Variants in MACROD2 observed in about 807,000 individuals in gnomAD.
MACROD2 encodes ADP-ribose glycohydrolase MACROD2.
Under a neutral mutation model 70.4 loss-of-function variants are expected in MACROD2, and 36 were observed. The observed-to-expected ratio is 0.51, with a 90% CI of 0.39 to 0.68. The LOEUF (loss-of-function observed/expected upper bound fraction) is 0.68, where lower values mean the gene tolerates loss of function less well. Ranked by LOEUF, MACROD2 falls within the 30% of genes least tolerant of loss-of-function variation. MACROD2 has a pLI of 0.00. For missense variants in MACROD2, 496 were observed against 538.4 expected, an observed-to-expected ratio of 0.92 and a Z score of 0.78; for synonymous variants, 172 against 178.8, an observed-to-expected ratio of 0.96 and a Z score of 0.30.
At chr20:14,885,606 G>A (rs1380765835) in intron 5 of MACROD2, among the ~76,000 whole-genome samples, 1 of 152,110 alleles carries the variant, frequency 6.6e-6, no homozygotes, top group Admixed American at 6.6e-5. Flanking sequence ...AAATTTGTTT[G>A]CCTGGCTTCC....
intron 3 of MACROD2, among the ~76,000 whole-genome samples, chr20:14,393,535 T>G (rs2083549795): frequency 6.6e-6 from 1 of 152,208 alleles, no homozygotes; most frequent in East Asian, 1.9e-4. Context: ...CCATGCGTAA[T>G]ATCTGCTCTT....
At chr20:14,730,148 C>A (rs1168988221) in intron 5 of MACROD2, among the ~76,000 whole-genome samples, 1 of 151,978 alleles carries the variant, frequency 6.6e-6, no homozygotes, top group African/African-American at 2.4e-5. Flanking sequence ...GTGTGGTGAG[C>A]AGACCTAGCA....
chr20:14,910,729 T>C (rs1177761152), intron 5 of MACROD2, among the ~76,000 whole-genome samples: 1 of 152,188 alleles, frequency 6.6e-6, no homozygotes. Context: ...CAGTTCTTTA[T>C]ACCAGTTGAT....
At chr20:15,388,069 C>A (rs1282548972) in intron 6 of MACROD2, among the ~76,000 whole-genome samples, 1 of 151,952 alleles carries the variant, frequency 6.6e-6, no homozygotes, top group Non-Finnish European at 1.5e-5. Context: ...ACTCCCCCAA[C>A]CTAGGGTGAT....
chr20:14,108,411 A>G (rs1045587583), intron 3 of MACROD2, among the ~76,000 whole-genome samples: 2 of 151,976 alleles, frequency 1.3e-5, no homozygotes, highest in Non-Finnish European at 2.9e-5. Context: ...TTACCTATCA[A>G]TAATAACATT....
At chr20:15,700,147 G>T (rs1010750151) in intron 8 of MACROD2, among the ~76,000 whole-genome samples, 18 of 152,148 alleles carry the variant, frequency 1.2e-4, no homozygotes, top group African/African-American at 4.3e-4. Context: ...CCTACAGAGG[G>T]TCTGTGAGTC....
chr20:15,002,265 C>T lies in MACROD2; in HGVS notation c.419-227675C>T, dbSNP rs577582561. Among the ~76,000 whole-genome samples, 463 of 152,234 alleles carry T rather than the reference C, an allele frequency of 3.0e-3. 3 individuals carry two copies. Among genetic ancestry groups the T allele is most frequent in the Non-Finnish European group, 3.3e-3 (226 of 68,006 alleles). On this transcript the variant is annotated intron_variant, in intron 5 of 17. Coordinates refer to ENST00000684519, the MANE Select transcript of MACROD2 (RefSeq NM_001351661.2). ...ACATGTTCCTTTTTCACCATATCCA[C>T]ACAAACATCTAGTATTTTTTTGTTT...
At chr20:14,498,134 A>T (rs1016204142) in intron 4 of MACROD2, among the ~76,000 whole-genome samples, 1 of 151,778 alleles carries the variant, frequency 6.6e-6, no homozygotes, top group Non-Finnish European at 1.5e-5. Flanking sequence ...CCTTCATACA[A>T]TGAGGCTGTT....
In MACROD2 at chr20:14,775,869, A is replaced by G. The variant is rs79282015; in HGVS notation, c.418+90910A>G. 2.0e-5 allele frequency among the ~76,000 whole-genome samples: 3 copies of G among 151,442 alleles called. No individual in the cohort carries two copies. The South Asian group carries it at 6.3e-4, about 32-fold the overall frequency. ...ATTTTGAGCCTCTCTGGGAACTGTG[A>G]AAAAAAAAGATCTGTCCTCATATCA... is the stretch of plus-strand genomic sequence containing the variant. On this transcript the variant is annotated intron_variant, in intron 5 of 17. Coordinates refer to ENST00000684519, the MANE Select transcript of MACROD2 (RefSeq NM_001351661.2).
At chr20:15,138,874 C>A (rs576350626) in intron 5 of MACROD2, among the ~76,000 whole-genome samples, 30 of 152,248 alleles carry the variant, frequency 2.0e-4, no homozygotes, top group African/African-American at 6.5e-4. Flanking sequence ...GGAATATTTT[C>A]ATTTGTTTGT....
chr20:14,108,692 C>A (rs766007563), intron 3 of MACROD2, among the ~76,000 whole-genome samples: 3 of 151,770 alleles, frequency 2.0e-5, no homozygotes, highest in Non-Finnish European at 2.9e-5. Context: ...GATAAAGGGG[C>A]CAATTCAGCA....
intron 8 of MACROD2, among the ~76,000 whole-genome samples, chr20:15,835,702 A>G: frequency 6.6e-6 from 1 of 152,218 alleles, no homozygotes; most frequent in East Asian, 1.9e-4. Context: ...AATAATGAGG[A>G]AACTGAAGCT....
intron 4 of MACROD2, among the ~76,000 whole-genome samples, chr20:14,596,629 A>G (rs1332419791): frequency 6.6e-6 from 1 of 152,008 alleles, no homozygotes; most frequent in African/African-American, 2.4e-5. Flanking sequence ...TATTATGTTT[A>G]CTTATTCACT....
chr20:15,657,858 G>C (rs2049754647), intron 8 of MACROD2, among the ~76,000 whole-genome samples: 2 of 152,160 alleles, frequency 1.3e-5, no homozygotes, highest in African/African-American at 4.8e-5. Context: ...TGTGCGTGGT[G>C]GCACATGCCT....
intron 8 of MACROD2, among the ~76,000 whole-genome samples, chr20:15,758,195 G>T (rs2051376932): frequency 6.6e-6 from 1 of 151,260 alleles, no homozygotes; most frequent in Non-Finnish European, 1.5e-5. Flanking sequence ...TATGATAAGG[G>T]TGTCTCAGAA....
intron 5 of MACROD2, among the ~76,000 whole-genome samples, chr20:14,965,444 T>A (rs1600883028): frequency 1.4e-5 from 2 of 143,742 alleles, no homozygotes; most frequent in East Asian, 4.0e-4. Context: ...CTAAAAGTTA[T>A]TTTTTTTTCT....
At chr20:15,707,220 CCTT>C (rs1285607609) in intron 8 of MACROD2, among the ~76,000 whole-genome samples, 1 of 152,142 alleles carries the variant, frequency 6.6e-6, no homozygotes, top group African/African-American at 2.4e-5. Flanking sequence ...TTTAAGTAGT[CCTT>C]CTCAAAGTCT....
At chr20:15,684,949 C>T (rs1416204280) in intron 8 of MACROD2, among the ~76,000 whole-genome samples, 1 of 152,100 alleles carries the variant, frequency 6.6e-6, no homozygotes, top group African/African-American at 2.4e-5. Flanking sequence ...TTGGGACACT[C>T]ATTTATAAGC....
chr20:15,280,395 A>G (rs1223350597), intron 6 of MACROD2, among the ~76,000 whole-genome samples: 2 of 152,180 alleles, frequency 1.3e-5, no homozygotes, highest in East Asian at 1.9e-4. Flanking sequence ...CATTCTGCAG[A>G]CATCTCAGTT....
Sources: allele counts gnomAD v4.1 joint callset (sites outside exome capture counted in the v4.1 genomes callset), GRCh38; gene constraint gnomAD v4.1.1; transcripts MANE v1.5; gene names NCBI Gene and HGNC (gene_info 2026-07-23, HGNC 2026-07-21).